Variants in FAM185A observed in about 807,000 individuals in gnomAD.
The protein encoded by FAM185A is family with sequence similarity 185 member A, also known as protein FAM185A.
FAM185A carries 21 observed loss-of-function variants against 45.7 expected under a neutral mutation model. The observed-to-expected ratio is 0.46, with a 90% CI of 0.33 to 0.66. FAM185A has a LOEUF of 0.66. FAM185A is among the 30% of genes least tolerant of loss of function. FAM185A has a pLI of 0.03. For missense variants in FAM185A, 305 were observed against 485.4 expected (o/e 0.63, Z 3.49); for synonymous variants, 117 against 194.0 (o/e 0.60, Z 3.30).
chr7:102,780,419 T>G (rs1461532444), intron 6 of FAM185A, among the ~76,000 whole-genome samples: 2 of 152,244 alleles, frequency 1.3e-5, no homozygotes, highest in Non-Finnish European at 2.9e-5. Context: ...AAGGTTGAAT[T>G]ACAGCCAGGT....
At chr7:102,781,820 C>G (rs191899962) in intron 6 of FAM185A, among the ~76,000 whole-genome samples, 1 of 152,084 alleles carries the variant, frequency 6.6e-6, no homozygotes, top group Non-Finnish European at 1.5e-5. Flanking sequence ...ATGACTTTGA[C>G]GAGTTGAGAG....
intron 7 of FAM185A, among the ~76,000 whole-genome samples, chr7:102,807,975 C>T (rs1313012708): frequency 3.3e-5 from 5 of 152,114 alleles, no homozygotes; most frequent in East Asian, 1.9e-4. Context: ...GCCGGAGAAC[C>T]GCTTGAACCC....
chr7:102,775,485 T>G (rs1378571440), intron 5 of FAM185A, among the ~76,000 whole-genome samples: 1 of 152,212 alleles, frequency 6.6e-6, no homozygotes, highest in Non-Finnish European at 1.5e-5. Context: ...CGTTTTCATT[T>G]TTTTATTTTT....
At chr7:102,813,225 G>T, downstream of FAM185A, 1 of 860,608 alleles carries the variant, frequency 1.2e-6, no homozygotes, top group Non-Finnish European at 1.8e-6. Context: ...AGAATCAGAA[G>T]ATGGTTTGTT....
chr7:102,780,205 T>C (rs1485677794), intron 6 of FAM185A, among the ~76,000 whole-genome samples: 3 of 152,154 alleles, frequency 2.0e-5, no homozygotes, highest in Non-Finnish European at 4.4e-5. Flanking sequence ...AGTAAATGCA[T>C]TCTAAACCCC....
intron 6 of FAM185A, among the ~76,000 whole-genome samples, chr7:102,778,463 A>G (rs1795206439): frequency 6.6e-6 from 1 of 152,298 alleles, no homozygotes; most frequent in South Asian, 2.1e-4. Context: ...CTAGTAACAG[A>G]GTAAGAACAA....
chr7:102,818,211 C>T, the FAM185A span, among the ~76,000 whole-genome samples: 2 of 152,298 alleles, frequency 1.3e-5, no homozygotes, highest in East Asian at 3.9e-4. Flanking sequence ...AAACAGAGCA[C>T]GTGTCTACCC....
At position 102,758,438 on chromosome 7, in the gene FAM185A, T is replaced by A. The variant is rs1185105974; in HGVS notation, c.654+492T>A. 3.3e-5 allele frequency among the ~76,000 whole-genome samples: 4 copies of A among 122,494 alleles called. 1 individual carries two copies. Among genetic ancestry groups the A allele is most frequent in the Admixed American group, 7.7e-5 (1 of 12,916 alleles). The allele number at this position is 122,494 out of a possible 152,430, so 80.4% of individuals were successfully genotyped here. On this transcript the variant is annotated intron_variant, in intron 3 of 7. Transcript: ENST00000413034. ...TACTGCTCTCACAGCTTTTTTTTTT[T>A]TTTTTTTTTTTTTTTTTTTTTATAG...
chr7:102,787,253 T>C (rs1196443036), intron 6 of FAM185A, 82 bp from the exon 7 acceptor site: 55 of 1,053,560 alleles, frequency 5.2e-5, no homozygotes, highest in Non-Finnish European at 4.3e-5. Context: ...GGAGCAATGC[T>C]ACCCTGTCAG....
rs1012068457 is a variant in FAM185A at position 102,807,545 on chromosome 7, C to CA, written c.1067-733dup. 8.5e-3 allele frequency among the ~76,000 whole-genome samples: 1,101 copies of CA among 129,538 alleles called. 13 individuals are homozygous for CA. Among genetic ancestry groups the CA allele is most frequent in the Admixed American group, 0.042 (577 of 13,668 alleles). The allele number at this position is 129,538 out of a possible 152,430, so 85.0% of individuals were successfully genotyped here. ...CAACTAGTATGTCTTCTCCAATATT[C>CA]AAAAAAAAAAAATCTGAAATTTGAA... On this transcript the variant is annotated intron_variant, in intron 7 of 7. Coordinates refer to ENST00000413034, the MANE Select transcript of FAM185A (RefSeq NM_001145268.2).
At chr7:102,773,311 CTTTA>C (rs999167277) in intron 5 of FAM185A, among the ~76,000 whole-genome samples, 23 of 151,422 alleles carry the variant, frequency 1.5e-4, no homozygotes, top group African/African-American at 5.6e-4. Flanking sequence ...AGAGTTCAGA[CTTTA>C]TTCCAACTAC....
intron 6 of FAM185A, among the ~76,000 whole-genome samples, chr7:102,786,024 A>ATGAACAGACACTTTT (rs1185328752): frequency 6.6e-6 from 1 of 152,238 alleles, no homozygotes; most frequent in East Asian, 1.9e-4. Context: ...GACAAAGGAT[A>ATGAACAGACACTTTT]TGAACAGACA....
the FAM185A span, among the ~76,000 whole-genome samples, chr7:102,836,843 A>G: frequency 6.6e-6 from 1 of 152,244 alleles, no homozygotes; most frequent in South Asian, 2.1e-4. Context: ...CCACTTTGAC[A>G]GGTGGCAGCT....
chr7:102,832,493 C>T, the FAM185A span, among the ~76,000 whole-genome samples: 2 of 152,236 alleles, frequency 1.3e-5, no homozygotes, highest in African/African-American at 2.4e-5. Flanking sequence ...TAACCTAACA[C>T]TCTTAATGCA....
In FAM185A at chr7:102,808,346, G is replaced by A. The variant is rs762720342; in HGVS notation, c.1123G>A (p.Gly375Ser). ...ATGGATTAAGGCTGATGCCCCAAAA[G>A]GCACTGTAAGTTTTAGAAGGCAAAG... ...EKWIKADAPK[G>S]TVSFRRQSWF... Residue 375 changes from glycine (G) to serine (S), a missense_variant, in exon 8 of 8, where the codon GGC becomes AGC. By Grantham distance (56) the Gly-to-Ser change is moderately conservative. This residue lies in a region of FAM185A where 66 missense variants were observed against 74.6 expected (regional missense o/e 0.89). Coordinates refer to ENST00000413034, the MANE Select transcript of FAM185A (RefSeq NM_001145268.2). 9 of 1,551,620 alleles carry A rather than the reference G, an allele frequency of 5.8e-6. No homozygotes were observed. Among genetic ancestry groups the A allele is most frequent in the Non-Finnish European group, 8.7e-7 (1 of 1,147,006 alleles).
the FAM185A span, among the ~76,000 whole-genome samples, chr7:102,814,797 T>C: frequency 6.6e-6 from 1 of 152,214 alleles, no homozygotes. Flanking sequence ...TCAAAGATAA[T>C]GTTTTGCATT....
chr7:102,762,451 A>G (rs1794167709), intron 4 of FAM185A, among the ~76,000 whole-genome samples: 1 of 152,142 alleles, frequency 6.6e-6, no homozygotes, highest in Admixed American at 6.6e-5. Context: ...CCAGTATAAA[A>G]CATCTGCTAA....
At chr7:102,759,200 T>A (rs994612606) in intron 3 of FAM185A, among the ~76,000 whole-genome samples, 2 of 152,046 alleles carry the variant, frequency 1.3e-5, no homozygotes, top group African/African-American at 4.8e-5. Context: ...ATGGCTAATG[T>A]TATTGAAATA....
At chr7:102,817,383 T>G in the FAM185A span, among the ~76,000 whole-genome samples, 1 of 152,182 alleles carries the variant, frequency 6.6e-6, no homozygotes, top group Non-Finnish European at 1.5e-5. Context: ...TTTTCATATT[T>G]TTGTTGGCCA....
Sources: allele counts gnomAD v4.1 joint callset (sites outside exome capture counted in the v4.1 genomes callset), GRCh38; gene constraint gnomAD v4.1.1; regional missense constraint gnomAD v4.1.1; transcripts MANE v1.5; gene names NCBI Gene and HGNC (gene_info 2026-07-23, HGNC 2026-07-21).